Variants in IFT43 observed in about 807,000 individuals in gnomAD.
IFT43 encodes intraflagellar transport 43.
In IFT43, 33 loss-of-function variants were observed where a neutral mutation model predicts 32.3. That is an observed-to-expected ratio of 1.02 (90% confidence interval 0.77 to 1.37). IFT43 has a LOEUF of 1.37. IFT43 is among the 40% of genes most tolerant of loss of function. The pLI is 0.00. For missense variants in IFT43, 274 were observed against 265.9 expected, an observed-to-expected ratio of 1.03 and a Z score of -0.21; for synonymous variants, 93 against 98.2, an observed-to-expected ratio of 0.95 and a Z score of 0.31.
intron 2 of IFT43, among the ~76,000 whole-genome samples, chr14:75,999,248 TATATATATATATATATATATATATGTA>T (rs2035814779): frequency 1.0e-3 from 13 of 12,612 alleles, no homozygotes; most frequent in African/African-American, 4.6e-3. Flanking sequence ...TATATATATA[TATATATATATATATATATATATATGTA>T]TATATATTTT....
intron 5 of IFT43, among the ~76,000 whole-genome samples, chr14:76,068,344 C>T (rs570922706): frequency 2.2e-4 from 34 of 152,318 alleles, no homozygotes; most frequent in African/African-American, 8.2e-4. Flanking sequence ...GCTGATTCAG[C>T]AGAGATAGGT....
chr14:76,040,400 GGAAA>G (rs2036684716), intron 3 of IFT43, among the ~76,000 whole-genome samples: 1 of 152,186 alleles, frequency 6.6e-6, no homozygotes, highest in African/African-American at 2.4e-5. Flanking sequence ...CATCACCCTT[GGAAA>G]GTATTGTGAA....
At chr14:76,051,966 C>T (rs2036921594) in intron 3 of IFT43, among the ~76,000 whole-genome samples, 1 of 152,196 alleles carries the variant, frequency 6.6e-6, no homozygotes, top group African/African-American at 2.4e-5. Context: ...CATTCCTCCC[C>T]AGGTCGGAGT....
chr14:76,053,023 G>GC (rs967820860), intron 3 of IFT43, among the ~76,000 whole-genome samples: 3 of 152,056 alleles, frequency 2.0e-5, no homozygotes, highest in African/African-American at 7.2e-5. Flanking sequence ...TTGCATTCTG[G>GC]CCCTACCACT....
At chr14:76,064,652 GTCT>G (rs1566732185) in intron 5 of IFT43, among the ~76,000 whole-genome samples, 1 of 152,170 alleles carries the variant, frequency 6.6e-6, no homozygotes, top group African/African-American at 2.4e-5. Flanking sequence ...CCTGCAGGAC[GTCT>G]TCTTTGGACA....
intron 2 of IFT43, among the ~76,000 whole-genome samples, chr14:76,009,442 T>A (rs543370138): frequency 6.7e-6 from 1 of 148,788 alleles, no homozygotes; most frequent in South Asian, 2.1e-4. Flanking sequence ...GTATTATTTC[T>A]AATTACCTAG....
intron 5 of IFT43, 68 bp from the exon 6 acceptor site, chr14:76,082,227 A>G (rs2037523171): frequency 1.4e-6 from 2 of 1,396,778 alleles, no homozygotes; most frequent in African/African-American, 2.8e-5. Flanking sequence ...GGAATGAGTA[A>G]GAAGTGGAGA....
intron 3 of IFT43, among the ~76,000 whole-genome samples, chr14:76,026,204 T>C (rs2036390908): frequency 6.6e-6 from 1 of 152,022 alleles, no homozygotes; most frequent in Non-Finnish European, 1.5e-5. Context: ...ATTAGAGAAA[T>C]GCAAATCAAA....
intron 5 of IFT43, among the ~76,000 whole-genome samples, chr14:76,069,407 C>G (rs2037280943): frequency 6.6e-6 from 1 of 152,044 alleles, no homozygotes; most frequent in Non-Finnish European, 1.5e-5. Context: ...GGAGGAGACT[C>G]CTAGAGAGGA....
At chr14:76,002,428 G>A (rs1171130995) in intron 2 of IFT43, among the ~76,000 whole-genome samples, 1 of 152,026 alleles carries the variant, frequency 6.6e-6, no homozygotes, top group Non-Finnish European at 1.5e-5. Context: ...GGAAAGAAGT[G>A]ACACCAAGAA....
At chr14:76,033,863 GA>G (rs2036551172) in intron 3 of IFT43, among the ~76,000 whole-genome samples, 1 of 152,230 alleles carries the variant, frequency 6.6e-6, no homozygotes, top group South Asian at 2.1e-4. Flanking sequence ...AGGAACAAAT[GA>G]ATGAGTAACA....
At chr14:76,053,911 A>G (rs2140039709) in intron 3 of IFT43, among the ~76,000 whole-genome samples, 1 of 152,310 alleles carries the variant, frequency 6.6e-6, no homozygotes, top group Non-Finnish European at 1.5e-5. Context: ...GAATTTCAGG[A>G]TCACTCAGGA....
intron 5 of IFT43, among the ~76,000 whole-genome samples, chr14:76,069,601 G>A (rs1594861008): frequency 1.3e-5 from 2 of 152,170 alleles, no homozygotes; most frequent in East Asian, 1.9e-4. Context: ...GATGAAGAAT[G>A]TTCAGGTGGA....
Position 76,017,100 on chromosome 14 carries a change from G to C in IFT43, c.148-5227G>C, listed in dbSNP as rs1425579298. ...ACTATGTTAAATAAAAGTGGTGAAA[G>C]TGGACATCCTTGTCTTGTTCCAGTT... On this transcript the variant is annotated intron_variant, in intron 2 of 8. Transcript: ENST00000314067. Among the ~76,000 whole-genome samples the C allele has an allele frequency of 4.6e-5, 7 of 152,258 alleles. 1 individual carries two copies. In the East Asian group the frequency reaches 1.4e-3, roughly 29 times the overall value.
intron 2 of IFT43, among the ~76,000 whole-genome samples, chr14:75,999,243 A>ATTCATTTATATATAAATTCATTT (rs2035810109): frequency 5.1e-4 from 13 of 25,272 alleles, no homozygotes; most frequent in South Asian, 1.6e-3. Context: ...ATATATATAT[A>ATTCATTTATATATAAATTCATTT]TATATATATA....
intron 3 of IFT43, among the ~76,000 whole-genome samples, chr14:76,022,911 C>T (rs1038606712): frequency 1.3e-5 from 2 of 152,218 alleles, no homozygotes; most frequent in Admixed American, 6.5e-5. Context: ...TGACATATAT[C>T]AGTCATCATT....
In IFT43 at chr14:76,059,372, A is replaced by C; in HGVS notation, c.294A>C (p.Gly98=). Residue 98 remains glycine (G), a splice_region_variant and synonymous_variant, in exon 5 of 9, where the codon GGA becomes GGC. Transcript: ENST00000314067. ...PQSLNGSDYG[G]DIPIIPDLEE... ...GCCTGAATGGATCAGATTATGGAGG[A>C]GGTAAGAGGCCCTTGGAGGAAGTCA... 6.2e-7 allele frequency: 1 copy of C among 1,613,908 alleles called. No homozygotes were observed. Among genetic ancestry groups the C allele is most frequent in the Non-Finnish European group, 8.5e-7 (1 of 1,179,812 alleles).
chr14:75,987,450 G>A (rs1007564596), intron 1 of IFT43, among the ~76,000 whole-genome samples: 1 of 152,154 alleles, frequency 6.6e-6, no homozygotes, highest in Non-Finnish European at 1.5e-5. Context: ...CTTAAAACAA[G>A]TTTCAGCAGG....
chr14:75,998,200 C>G (rs1190751242), intron 2 of IFT43, among the ~76,000 whole-genome samples: 1 of 152,186 alleles, frequency 6.6e-6, no homozygotes, highest in Non-Finnish European at 1.5e-5. Context: ...GCAGAAATGG[C>G]TCTTCTCCTC....
Sources: gnomAD v4.1 joint callset for allele counts (sites outside exome capture counted in the v4.1 genomes callset) on GRCh38, gnomAD v4.1.1 for gene constraint, MANE v1.5 for transcripts, NCBI Gene and HGNC (gene_info 2026-07-23, HGNC 2026-07-21) for gene names.